Variants in TOX3 observed in about 807,000 individuals in gnomAD.
TOX3 encodes TOX high mobility group box family member 3, also known as CAG trinucleotide repeat-containing gene F9 protein.
A neutral mutation model predicts 64.3 loss-of-function variants in TOX3; 22 were observed. The ratio of observed to expected loss-of-function variants is 0.34; its 90% CI spans 0.24 to 0.49. TOX3 has a LOEUF of 0.49. Among genes scored for constraint, TOX3 ranks in the 20% least tolerant of loss-of-function variants. The pLI, the probability that TOX3 is intolerant of heterozygous loss-of-function variation, is 0.99. For missense variants in TOX3, 661 were observed against 714.4 expected (o/e 0.93, Z 0.85); for synonymous variants, 291 against 273.6 (o/e 1.06, Z -0.63).
intron 1 of TOX3, among the ~76,000 whole-genome samples, chr16:52,472,823 T>C (rs112070964): frequency 2.2e-4 from 34 of 152,288 alleles, no homozygotes; most frequent in African/African-American, 7.0e-4. Context: ...CTGGTGGTAA[T>C]AGGTCCTTTT....
At chr16:52,495,054 G>C (rs1049027641) in intron 1 of TOX3, among the ~76,000 whole-genome samples, 1 of 152,154 alleles carries the variant, frequency 6.6e-6, no homozygotes, top group Non-Finnish European at 1.5e-5. Context: ...CTGGGGTTAG[G>C]TACGTTCTTT....
rs77029416 is a variant in TOX3, at chr16:52,506,574, C to T, written c.88-38000G>A. Among the ~76,000 whole-genome samples, 1,080 of 152,090 alleles carry T rather than the reference C, an allele frequency of 7.1e-3. 14 individuals carry two copies. The highest frequency in any genetic ancestry group is 0.025 in the African/African-American group (1,035 of 41,488). Reference sequence around the variant, plus strand: ...GGGGTTTCTAGACAGGAATAGAACCCACAGAGTCATGGAAGCCAGCCCCCT... The same window carrying T: ...GGGGTTTCTAGACAGGAATAGAACCTACAGAGTCATGGAAGCCAGCCCCCT... On this transcript the variant is annotated intron_variant, in intron 1 of 6. Transcript: ENST00000219746.
intron 1 of TOX3, among the ~76,000 whole-genome samples, chr16:52,504,194 C>T (rs976353588): frequency 1.3e-5 from 2 of 151,954 alleles, no homozygotes; most frequent in Admixed American, 6.6e-5. Flanking sequence ...AGGCCAGGCG[C>T]GGTGGCTCAC....
chr16:52,477,551 A>T (rs1026897089), intron 1 of TOX3, among the ~76,000 whole-genome samples: 2 of 152,192 alleles, frequency 1.3e-5, no homozygotes, highest in African/African-American at 4.8e-5. Context: ...AAAGCGCTTT[A>T]CAGGAGTCAG....
intron 5 of TOX3, 143 bp from the exon 6 acceptor site, chr16:52,444,499 G>T: frequency 2.6e-6 from 1 of 379,822 alleles, no homozygotes; most frequent in Non-Finnish European, 4.7e-6. Flanking sequence ...GTTAGCGCAT[G>T]CACACACACA....
At chr16:52,490,235 C>A (rs924304049) in intron 1 of TOX3, among the ~76,000 whole-genome samples, 2 of 152,226 alleles carry the variant, frequency 1.3e-5, no homozygotes, top group Admixed American at 1.3e-4. Context: ...CTCTCTCCTG[C>A]CACTATGTGA....
intron 6 of TOX3, among the ~76,000 whole-genome samples, chr16:52,441,742 T>C (rs1282538452): frequency 1.3e-5 from 2 of 152,200 alleles, no homozygotes; most frequent in Non-Finnish European, 2.9e-5. Context: ...TAACCTCATA[T>C]AGAGAGTCAT....
At chr16:52,538,166 T>C (rs1962998764) in intron 1 of TOX3, among the ~76,000 whole-genome samples, 1 of 152,196 alleles carries the variant, frequency 6.6e-6, no homozygotes, top group Non-Finnish European at 1.5e-5. Flanking sequence ...TAAAGATAAG[T>C]TGGCATCAAG....
At chr16:52,541,435 G>A (rs919207182) in intron 1 of TOX3, among the ~76,000 whole-genome samples, 2 of 152,284 alleles carry the variant, frequency 1.3e-5, no homozygotes, top group Admixed American at 6.5e-5. Context: ...GAAACAGGCC[G>A]TGATGAACTA....
chr16:52,546,619 C>A lies in TOX3; in HGVS notation c.87+18G>T. The A allele has an allele frequency of 6.5e-7, 1 of 1,534,850 alleles. No individual in the cohort carries two copies. ...GAGGTGGCCCCCGCCCCCCGGCCCA[C>A]CGGCCCAGCCCGGTCACCTTGCTGT... On this transcript the variant is annotated intron_variant, in intron 1 of 6. Coordinates refer to ENST00000219746, the MANE Select transcript of TOX3 (RefSeq NM_001080430.4).
chr16:52,460,630 C>T (rs1001845283), intron 3 of TOX3, among the ~76,000 whole-genome samples: 6 of 152,128 alleles, frequency 3.9e-5, no homozygotes, highest in African/African-American at 1.2e-4. Flanking sequence ...GTCCCCTGCA[C>T]ATACTCCTGT....
At chr16:52,478,406 G>A (rs1314461692) in intron 1 of TOX3, among the ~76,000 whole-genome samples, 1 of 152,134 alleles carries the variant, frequency 6.6e-6, no homozygotes, top group Non-Finnish European at 1.5e-5. Flanking sequence ...TCACTCCTCA[G>A]GGAGTCCTCC....
intron 1 of TOX3, among the ~76,000 whole-genome samples, chr16:52,507,116 G>A (rs1328741960): frequency 1.3e-5 from 2 of 152,174 alleles, no homozygotes; most frequent in Non-Finnish European, 2.9e-5. Context: ...CTACATCTTA[G>A]AAGTTTCCAG....
intron 1 of TOX3, among the ~76,000 whole-genome samples, chr16:52,538,310 C>A (rs1312886200): frequency 6.6e-6 from 1 of 152,138 alleles, no homozygotes; most frequent in East Asian, 1.9e-4. Context: ...GTCAGGTCAG[C>A]ATTTTGAACT....
chr16:52,445,859 A>T (rs2075236), intron 5 of TOX3, 135 bp downstream of exon 5: 243,809 of 836,134 alleles, frequency 0.29, 39,053 homozygotes, highest in East Asian at 0.63. Flanking sequence ...CTGGGTTTTT[A>T]AATTCCATTG....
At chr16:52,510,398 A>T (rs1478406752) in intron 1 of TOX3, among the ~76,000 whole-genome samples, 1 of 152,212 alleles carries the variant, frequency 6.6e-6, no homozygotes, top group Non-Finnish European at 1.5e-5. Flanking sequence ...AGAACAAAAT[A>T]AAAATGGATT....
Position 52,446,202 on chromosome 16 carries a change from G to C in TOX3, c.698C>G (p.Ala233Gly), listed in dbSNP as rs1205835548. 1.9e-6 allele frequency: 3 copies of C among 1,613,306 alleles called. No individual in the cohort carries two copies. The African/African-American group carries it at 4.0e-5, about 22-fold the overall frequency. Residue 233 changes from alanine (A) to glycine (G), a missense_variant, in exon 5 of 7, where the codon GCT (alanine) becomes GGT (glycine). By Grantham distance (60) the Ala-to-Gly change is moderately conservative. Coordinates refer to ENST00000219746, the MANE Select transcript of TOX3 (RefSeq NM_001080430.4). ...GGGCTTCTTGCCAGAGTCTGGAGCA[G>C]CTCTTTTCTCTCCAATGGCCTGCAA... ...EANRAIGEKR[A>G]APDSGKKPKT...
chr16:52,500,417 A>G (rs763753072), intron 1 of TOX3, among the ~76,000 whole-genome samples: 12 of 152,220 alleles, frequency 7.9e-5, no homozygotes, highest in Non-Finnish European at 1.8e-4. Context: ...GCATTCGATC[A>G]TATGAAGCAA....
At chr16:52,512,125 T>G (rs528933655) in intron 1 of TOX3, among the ~76,000 whole-genome samples, 1 of 152,248 alleles carries the variant, frequency 6.6e-6, no homozygotes, top group Non-Finnish European at 1.5e-5. Flanking sequence ...ATCTTTAAGA[T>G]AGTTTGCCCA....
Sources: gnomAD v4.1 joint callset for allele counts (sites outside exome capture counted in the v4.1 genomes callset) on GRCh38, gnomAD v4.1.1 for gene constraint, MANE v1.5 for transcripts, NCBI Gene and HGNC (gene_info 2026-07-23, HGNC 2026-07-21) for gene names.